The following KRT75 variants were observed in gnomAD, a reference collection of about 807,000 sequenced individuals.
KRT75 encodes keratin, type II cytoskeletal 75.
Under a neutral mutation model 48.8 loss-of-function variants are expected in KRT75, and 35 were observed. The ratio of observed to expected loss-of-function variants is 0.72; its 90% CI spans 0.55 to 0.95. KRT75 has a LOEUF of 0.95. KRT75 is among the 40% of genes least tolerant of loss of function. The pLI is 0.00. For missense variants in KRT75, 776 were observed against 709.9 expected (o/e 1.09, Z -1.06); for synonymous variants, 301 against 282.3 (o/e 1.07, Z -0.66).
At position 52,434,151 on chromosome 12, in the gene KRT75, T is replaced by C; in HGVS notation, c.154A>G (p.Ser52Gly). The C allele has an allele frequency of 6.2e-7, 1 of 1,613,906 alleles. No individual in the cohort carries two copies. The highest frequency in any genetic ancestry group is 8.5e-7 in the Non-Finnish European group (1 of 1,179,852). The change falls in exon 1 of 9, where the codon AGT (serine) becomes GGT (glycine). Residue 52 changes from serine to glycine, a missense_variant. Coordinates refer to ENST00000252245, the MANE Select transcript of KRT75 (RefSeq NM_004693.3). ...CGGCTTCCAAAGCTGGCCCCAGCAC[T>C]GCTGATCCTTCCCAGGCCCCCACTC... ...AGSGGLGRISSAGASFGSRSL... is the reference protein window; with the variant it reads ...AGSGGLGRISGAGASFGSRSL...
chr12:52,434,285 A>G lies in KRT75; in HGVS notation c.20T>C (p.Ile7Thr). Residue 7 changes from isoleucine (I) to threonine (T), a missense_variant, in exon 1 of 9, where the codon ATC becomes ACC. Ile to Thr is a moderately conservative substitution (Grantham distance 89). Coordinates refer to ENST00000252245, the MANE Select transcript of KRT75 (RefSeq NM_004693.3). MSRQSS[I>T]TFQSGSRRGF... ...CCTGCGGCTGCCAGACTGGAAGGTG[A>G]TGGAGGACTGCCGAGACATGGTGGG... 3 of 1,588,756 alleles carry G rather than the reference A, an allele frequency of 1.9e-6. No homozygotes were observed. The highest frequency in any genetic ancestry group is 2.6e-6 in the Non-Finnish European group (3 of 1,173,182).
Position 52,428,614 on chromosome 12 carries a change from T to G in KRT75, c.1161+4A>C. 6.2e-7 allele frequency: 1 copy of G among 1,614,212 alleles called. No homozygotes were observed. The highest frequency in any genetic ancestry group is 8.5e-7 in the Non-Finnish European group (1 of 1,180,032). On this transcript the variant is annotated splice_donor_region_variant and intron_variant, in intron 6 of 8. Transcript: ENST00000252245. ...AGGAGCTCTTGGCCCTGCCAAATCT[T>G]TACCTGCTTCTTGACGCTGTCAATC...
chr12:52,432,991 GA>G, intron 2 of KRT75, 46 bp downstream of exon 2: 5 of 1,582,992 alleles, frequency 3.2e-6, no homozygotes, highest in Non-Finnish European at 4.3e-6. Context: ...TCACACAAAG[GA>G]GCCTTCAGAT....
In KRT75 at chr12:52,428,316, T is replaced by C. The variant is rs759200959; in HGVS notation, c.1322A>G (p.Lys441Arg). Residue 441 changes from lysine to arginine, a missense_variant, in exon 7 of 9, where the codon AAG (lysine) becomes AGG (arginine). Physicochemically the swap from Lys to Arg is conservative, Grantham distance 26. Coordinates refer to ENST00000252245, the MANE Select transcript of KRT75 (RefSeq NM_004693.3). ...GGCGATCTCCACGTCCAGGGCCAGC[T>C]TGATGTTCATCAGCTCCTGGTACTC... ...LREYQELMNI[K>R]LALDVEIATY... 4.3e-6 allele frequency: 7 copies of C among 1,614,156 alleles called. No individual in the cohort carries two copies. The highest frequency in any genetic ancestry group is 5.1e-6 in the Non-Finnish European group (6 of 1,180,034).
rs756595456 is a variant in KRT75 at position 52,434,277 on chromosome 12, G to A, written c.28C>T (p.Gln10Ter). The change falls in exon 1 of 9, where the codon CAG becomes TAG. Residue 10 changes from glutamine (Q) to a stop codon, truncating the protein, a stop_gained. Transcript: ENST00000252245. LOFTEE classifies it high-confidence loss of function. ...CTGAAGCCCCTGCGGCTGCCAGACT[G>A]GAAGGTGATGGAGGACTGCCGAGAC... MSRQSSITF[Q>*]SGSRRGFSTT... The A allele has an allele frequency of 1.0e-5, 16 of 1,586,888 alleles. No individual in the cohort carries two copies. Among genetic ancestry groups the A allele is most frequent in the Non-Finnish European group, 1.4e-5 (16 of 1,172,030 alleles).
chr12:52,425,986 A>T (rs1033775676), intron 8 of KRT75, among the ~76,000 whole-genome samples: 1 of 152,194 alleles, frequency 6.6e-6, no homozygotes, highest in Non-Finnish European at 1.5e-5. Context: ...GGTCTCTGGC[A>T]CCACTAGACA....
rs1940184067 is a variant in KRT75, at chr12:52,434,006, T to C, written c.299A>G (p.Tyr100Cys). The C allele has an allele frequency of 1.9e-6, 3 of 1,613,930 alleles. No individual in the cohort carries two copies. Among genetic ancestry groups the C allele is most frequent in the East Asian group, 2.2e-5 (1 of 44,876 alleles). ...NRFGVNSGFG[Y>C]GGGVGGGFSG... The stretch of plus-strand genomic sequence containing the variant: ...GAAGCCTCCTCCAACTCCACCCCCA[T>C]AGCCAAATCCACTGTTGACTCCAAA... The change falls in exon 1 of 9, where the codon TAT (tyrosine) becomes TGT (cysteine). Residue 100 changes from tyrosine to cysteine, a missense_variant. Coordinates refer to ENST00000252245, the MANE Select transcript of KRT75 (RefSeq NM_004693.3).
At chr12:52,426,324 G>A (rs1592162084) in intron 8 of KRT75, among the ~76,000 whole-genome samples, 1 of 152,146 alleles carries the variant, frequency 6.6e-6, no homozygotes, top group African/African-American at 2.4e-5. Context: ...AGTTATACTC[G>A]GCAGAGTTGA....
chr12:52,431,501 G>A (rs772573521), intron 4 of KRT75, 42 bp downstream of exon 4: 41 of 1,364,598 alleles, frequency 3.0e-5, no homozygotes, highest in East Asian at 2.3e-5. Context: ...TTCTTTCCAG[G>A]CTCCAGACCT....
intron 5 of KRT75, among the ~76,000 whole-genome samples, chr12:52,429,930 T>A (rs1390516847): frequency 6.6e-6 from 1 of 152,188 alleles, no homozygotes; most frequent in Non-Finnish European, 1.5e-5. Flanking sequence ...TTTGTGTTTA[T>A]CCCAGCCTTC....
chr12:52,424,222 G>A lies in KRT75; in HGVS notation c.*295C>T, dbSNP rs1186725632. ...CTCTGCATCTGGAGGGAGGGAGGGAGGTGGAGCTGGAGGAGGACTTTCCAG... is the reference window on the plus strand; with the variant it reads ...CTCTGCATCTGGAGGGAGGGAGGGAAGTGGAGCTGGAGGAGGACTTTCCAG... On this transcript the variant is annotated 3_prime_UTR_variant, in exon 9 of 9. Transcript: ENST00000252245. 1 of 477,766 alleles carries A rather than the reference G, an allele frequency of 2.1e-6. No individual in the cohort carries two copies. The highest frequency in any genetic ancestry group is 3.9e-6 in the Non-Finnish European group (1 of 258,858). 29.6% of individuals were successfully genotyped at this position (477,766 alleles called of 1,614,324 possible).
chr12:52,427,377 C>G (rs10876289), intron 7 of KRT75, among the ~76,000 whole-genome samples: 58,134 of 152,170 alleles, frequency 0.38, 11,324 homozygotes, highest in South Asian at 0.52. Context: ...TAAACACATA[C>G]TGAGAAACTT....
intron 2 of KRT75, 140 bp from the exon 3 acceptor site, chr12:52,432,206 A>C: frequency 1.3e-6 from 1 of 743,288 alleles, no homozygotes; most frequent in Non-Finnish European, 2.3e-6. Context: ...TGATTCATTT[A>C]ACCTCTATTT....
chr12:52,426,691 C>G, intron 8 of KRT75, 126 bp downstream of exon 8: 1 of 1,001,340 alleles, frequency 1.0e-6, no homozygotes, highest in Admixed American at 1.7e-5. Context: ...CAAACCTTCT[C>G]CAAATGAACG....
At position 52,434,076 on chromosome 12, in the gene KRT75, C is replaced by T; in HGVS notation, c.229G>A (p.Gly77Ser). The T allele has an allele frequency of 1.9e-6, 3 of 1,614,184 alleles. No individual in the cohort carries two copies. The highest frequency in any genetic ancestry group is 2.5e-6 in the Non-Finnish European group (3 of 1,180,036). The part of the protein sequence containing the change: ...GAKRVSINGC[G>S]SSCRSGFGGR... Reference sequence around the variant, plus strand: ...CCAAAGCCACTTCGGCAGCTGCTGCCACACCCATTGATGGAGACCCGCTTG... The same window carrying T: ...CCAAAGCCACTTCGGCAGCTGCTGCTACACCCATTGATGGAGACCCGCTTG... The change falls in exon 1 of 9, where the codon GGC becomes AGC. Residue 77 changes from glycine (G) to serine (S), a missense_variant. Gly to Ser is a moderately conservative substitution (Grantham distance 56). Coordinates refer to ENST00000252245, the MANE Select transcript of KRT75 (RefSeq NM_004693.3).
chr12:52,428,044 A>C (rs1278164423), intron 7 of KRT75: 1 of 639,876 alleles, frequency 1.6e-6, no homozygotes, highest in Non-Finnish European at 2.7e-6. Context: ...ATCAGGTTTT[A>C]GGTTTCTATG....
intron 5 of KRT75, 46 bp from the exon 6 acceptor site, chr12:52,428,789 C>T (rs1422618017): frequency 6.2e-7 from 1 of 1,612,642 alleles, no homozygotes. Context: ...AATGCCTGGC[C>T]CAGGCACTCG....
At position 52,433,701 on chromosome 12, in the gene KRT75, A is replaced by C. The variant is rs913759351; in HGVS notation, c.498+106T>G. 6 of 1,558,404 alleles carry C rather than the reference A, an allele frequency of 3.9e-6. No homozygotes were observed. The African/African-American group carries it at 6.8e-5, about 18-fold the overall frequency. On this transcript the variant is annotated intron_variant, in intron 1 of 8. Coordinates refer to ENST00000252245, the MANE Select transcript of KRT75 (RefSeq NM_004693.3). Reference sequence around the variant, plus strand: ...TGGGAGCCCGTGCTGAACAGTGCTCATTCCCACAGTGGGGTCATTGCATTA... The same window carrying C: ...TGGGAGCCCGTGCTGAACAGTGCTCCTTCCCACAGTGGGGTCATTGCATTA...
In KRT75 at chr12:52,434,044, C is replaced by T. The variant is rs775412495; in HGVS notation, c.261G>A (p.Arg87=). The T allele has an allele frequency of 1.9e-6, 3 of 1,614,012 alleles. No homozygotes were observed. The highest frequency in any genetic ancestry group is 2.7e-5 in the African/African-American group (2 of 74,898). Residue 87 remains arginine, a synonymous_variant, in exon 1 of 9, where the codon AGG becomes AGA. Coordinates refer to ENST00000252245, the MANE Select transcript of KRT75 (RefSeq NM_004693.3). ...GSSCRSGFGG[R]ASNRFGVNSG... ...TGTTGACTCCAAACCTGTTGCTGGC[C>T]CTGCCACCAAAGCCACTTCGGCAGC...
Sources: allele counts gnomAD v4.1 joint callset (sites outside exome capture counted in the v4.1 genomes callset), GRCh38; gene constraint gnomAD v4.1.1; transcripts MANE v1.5; gene names NCBI Gene and HGNC (gene_info 2026-07-23, HGNC 2026-07-21).